The following KRTAP4-8 variants were observed in gnomAD, a reference collection of about 807,000 sequenced individuals.
KRTAP4-8 encodes the protein keratin associated protein 4-8.
For missense variants in KRTAP4-8, 188 were observed against 237.4 expected (o/e 0.79, Z 1.37); for synonymous variants, 66 against 86.6 (o/e 0.76, Z 1.32).
chr17:41,097,086 G>A lies in KRTAP4-8; in HGVS notation c.*441C>T. On this transcript the variant is annotated 3_prime_UTR_variant, in exon 1 of 1. Coordinates refer to ENST00000333822, the MANE Select transcript of KRTAP4-8 (RefSeq NM_031960.3). ...AAACTTGAACAGTGAGAGAAAGAGAGAGCAGGGAGAAAGCGGGAGAGCACG... is the reference window on the plus strand; with the variant it reads ...AAACTTGAACAGTGAGAGAAAGAGAAAGCAGGGAGAAAGCGGGAGAGCACG... 1 of 191,856 alleles carries A rather than the reference G, an allele frequency of 5.2e-6. No individual in the cohort carries two copies. 11.9% of individuals were successfully genotyped at this position (191,856 alleles called of 1,614,324 possible). A position where few individuals can be genotyped will look rare whatever the true frequency, so the allele number is the denominator to read the frequency against.
chr17:41,097,786 C>G lies in KRTAP4-8; in HGVS notation c.299G>C (p.Cys100Ser). 1 of 1,599,552 alleles carries G rather than the reference C, an allele frequency of 6.3e-7. No homozygotes were observed. The highest frequency in any genetic ancestry group is 8.5e-7 in the Non-Finnish European group (1 of 1,172,476). Residue 100 changes from cysteine (C) to serine (S), a missense_variant, in exon 1 of 1, where the codon TGC becomes TCC. Physicochemically the swap from Cys to Ser is moderately radical, Grantham distance 112 (BLOSUM62 -1). Transcript: ENST00000333822. ...GCTGGACACACAGCAGCTGGGGCGG[C>G]AGCAGCTGGAGATGCAGCAGCTAGG... ...CHPSCCISSC[C>S]RPSCCVSSCC...
chr17:41,098,069 A>T lies in KRTAP4-8; in HGVS notation c.16T>A (p.Cys6Ser). Residue 6 changes from cysteine to serine, a missense_variant, in exon 1 of 1, where the codon TGT becomes AGT. Cys to Ser is a moderately radical substitution (Grantham distance 112). Coordinates refer to ENST00000333822, the MANE Select transcript of KRTAP4-8 (RefSeq NM_031960.3). ...CCTTGGTCAGAGCACACGGAGCCAC[A>T]ACAGGAGTTGACCATGGTGTCAGAG... MVNSC[C>S]GSVCSDQGCG... 6.4e-7 allele frequency: 1 copy of T among 1,557,880 alleles called. No individual in the cohort carries two copies. Among genetic ancestry groups the T allele is most frequent in the Non-Finnish European group, 8.7e-7 (1 of 1,154,678 alleles).
rs1282777958 is a variant in KRTAP4-8, at chr17:41,097,152, T to C, written c.*375A>G. ...TACCTTTCCAAAAGAAAAGAATGACTGAAAGGCTGACAGACAAATAGTATG... is the reference window on the plus strand; with the variant it reads ...TACCTTTCCAAAAGAAAAGAATGACCGAAAGGCTGACAGACAAATAGTATG... On this transcript the variant is annotated 3_prime_UTR_variant, in exon 1 of 1. Transcript: ENST00000333822. 1.1e-5 allele frequency: 3 copies of C among 278,332 alleles called. No homozygotes were observed. The highest frequency in any genetic ancestry group is 2.0e-5 in the Non-Finnish European group (3 of 149,444). 17.2% of individuals were successfully genotyped at this position (278,332 alleles called of 1,614,324 possible). A position where few individuals can be genotyped will look rare whatever the true frequency, so the allele number is the denominator to read the frequency against.
chr17:41,097,279 C>G lies in KRTAP4-8; in HGVS notation c.*248G>C. The G allele has an allele frequency of 1.6e-6, 1 of 618,048 alleles. No individual in the cohort carries two copies. Among genetic ancestry groups the G allele is most frequent in the Non-Finnish European group, 2.8e-6 (1 of 359,120 alleles). 38.3% of individuals were successfully genotyped at this position (618,048 alleles called of 1,614,324 possible). ...TTAGAGGATTGGAATAATTTCTTAG[C>G]TAGTGGATTACAAATTAATTCGTAT... On this transcript the variant is annotated 3_prime_UTR_variant, in exon 1 of 1. Transcript: ENST00000333822.
chr17:41,097,343 G>C lies in KRTAP4-8; in HGVS notation c.*184C>G. ...TGGAAGAAAAAGAAAGCAAGGGAGG[G>C]AGTTTAAAATGAACCAGAATGTTCT... On this transcript the variant is annotated 3_prime_UTR_variant, in exon 1 of 1. Transcript: ENST00000333822. The C allele has an allele frequency of 1.1e-6, 1 of 922,040 alleles. No homozygotes were observed. The highest frequency in any genetic ancestry group is 1.6e-6 in the Non-Finnish European group (1 of 627,324). The allele number at this position is 922,040 out of a possible 1,614,324, so 57.1% of individuals were successfully genotyped here.
Position 41,098,081 on chromosome 17 carries a change from C to T in KRTAP4-8, c.4G>A (p.Val2Ile). 1 of 1,539,048 alleles carries T rather than the reference C, an allele frequency of 6.5e-7. No individual in the cohort carries two copies. The highest frequency in any genetic ancestry group is 8.7e-7 in the Non-Finnish European group (1 of 1,144,770). The change falls in exon 1 of 1, where the codon GTC (valine) becomes ATC (isoleucine). Residue 2 changes from valine (V) to isoleucine (I), a missense_variant. Val to Ile is a conservative substitution (Grantham distance 29). Transcript: ENST00000333822. MVNSCCGSVCSD... is the reference protein window; with the variant it reads MINSCCGSVCSD... The stretch of plus-strand genomic sequence containing the variant: ...CACACGGAGCCACAACAGGAGTTGA[C>T]CATGGTGTCAGAGGGTGAAGGATCT...
At position 41,097,059 on chromosome 17, in the gene KRTAP4-8, A is replaced by G. The variant is rs6416911; in HGVS notation, c.*468T>C. ...GAACTAATAAAATAGAAAAATTCTG[A>G]CAAACTTGAACAGTGAGAGAAAGAG... On this transcript the variant is annotated 3_prime_UTR_variant, in exon 1 of 1. Transcript: ENST00000333822. 0.69 allele frequency: 116,441 copies of G among 169,596 alleles called. 41,554 individuals are homozygous for G. The highest frequency in any genetic ancestry group is 0.9 in the African/African-American group (37,815 of 42,016). The allele number at this position is 169,596 out of a possible 1,614,324, so 10.5% of individuals were successfully genotyped here. A position where few individuals can be genotyped will look rare whatever the true frequency, so the allele number is the denominator to read the frequency against.
chr17:41,098,088 G>A lies in KRTAP4-8; in HGVS notation c.-4C>T. 6.3e-7 allele frequency: 1 copy of A among 1,588,892 alleles called. No homozygotes were observed. Among genetic ancestry groups the A allele is most frequent in the Non-Finnish European group, 8.6e-7 (1 of 1,166,368 alleles). On this transcript the variant is annotated 5_prime_UTR_variant, in exon 1 of 1. Coordinates refer to ENST00000333822, the MANE Select transcript of KRTAP4-8 (RefSeq NM_031960.3). ...AGCCACAACAGGAGTTGACCATGGT[G>A]TCAGAGGGTGAAGGATCTATTTGGG...
Position 41,097,491 on chromosome 17 carries a change from CA to C in KRTAP4-8, c.*35del, listed in dbSNP as rs758906768. On this transcript the variant is annotated 3_prime_UTR_variant, in exon 1 of 1. Coordinates refer to ENST00000333822, the MANE Select transcript of KRTAP4-8 (RefSeq NM_031960.3). The stretch of plus-strand genomic sequence containing the variant: ...AGAAGAATGGTCTACATTTGTGGAC[CA>C]GCGGTGAAGGGAGAGATGAGCCAGG... 8 of 1,542,284 alleles carry C rather than the reference CA, an allele frequency of 5.2e-6. No individual in the cohort carries two copies. The highest frequency in any genetic ancestry group is 1.7e-4 in the Middle Eastern group (1 of 5,906).
chr17:41,097,486 T>C lies in KRTAP4-8; in HGVS notation c.*41A>G. The C allele has an allele frequency of 1.9e-6, 3 of 1,539,290 alleles. No homozygotes were observed. Among genetic ancestry groups the C allele is most frequent in the Non-Finnish European group, 2.6e-6 (3 of 1,140,348 alleles). ...AGCACAGAAGAATGGTCTACATTTG[T>C]GGACCAGCGGTGAAGGGAGAGATGA... On this transcript the variant is annotated 3_prime_UTR_variant, in exon 1 of 1. Transcript: ENST00000333822.
rs768161800 is a variant in KRTAP4-8, at chr17:41,097,550, A to T, written c.535T>A (p.Cys179Ser). The T allele has an allele frequency of 9.4e-5, 147 of 1,568,398 alleles. No individual in the cohort carries two copies. The highest frequency in any genetic ancestry group is 1.5e-4 in the Admixed American group (8 of 52,856). The change falls in exon 1 of 1, where the codon TGC becomes AGC. Residue 179 changes from cysteine (C) to serine (S), a missense_variant. Cys to Ser is a moderately radical substitution (Grantham distance 112). Coordinates refer to ENST00000333822, the MANE Select transcript of KRTAP4-8 (RefSeq NM_031960.3). ...CVISTCPRPV[C>S]CASSCC The stretch of plus-strand genomic sequence containing the variant: ...GCTCAGCAGCAAGAGGAGGCGCAGC[A>T]CACGGGGCGGGGGCAGGTGGAGATG...
Position 41,097,205 on chromosome 17 carries a change from T to C in KRTAP4-8, c.*322A>G, listed in dbSNP as rs1293161114. Reference sequence around the variant, plus strand: ...TGAAAGGGAGATAATGTGTACCTAATTGGGAAGGATATTCTGTAGGCTCAA... The same window carrying C: ...TGAAAGGGAGATAATGTGTACCTAACTGGGAAGGATATTCTGTAGGCTCAA... On this transcript the variant is annotated 3_prime_UTR_variant, in exon 1 of 1. Transcript: ENST00000333822. The C allele has an allele frequency of 2.2e-6, 1 of 462,712 alleles. No homozygotes were observed. The highest frequency in any genetic ancestry group is 2.0e-5 in the African/African-American group (1 of 51,008). 28.7% of individuals were successfully genotyped at this position (462,712 alleles called of 1,614,324 possible). A position where few individuals can be genotyped will look rare whatever the true frequency, so the allele number is the denominator to read the frequency against.
At position 41,097,951 on chromosome 17, in the gene KRTAP4-8, C is replaced by A. The variant is rs538021486; in HGVS notation, c.134G>T (p.Ser45Ile). ...CTGGGGTCTGCAGCAGCAGGACACACTGTAGCTGGGGCGGTAGCAGGTGGT... is the reference window on the plus strand; with the variant it reads ...CTGGGGTCTGCAGCAGCAGGACACAATGTAGCTGGGGCGGTAGCAGGTGGT... ...CRTTCYRPSY[S>I]VSCCCRPQCC... Residue 45 changes from serine (S) to isoleucine (I), a missense_variant, in exon 1 of 1, where the codon AGT becomes ATT. By Grantham distance (142) the Ser-to-Ile change is moderately radical. Transcript: ENST00000333822. 5 of 1,613,404 alleles carry A rather than the reference C, an allele frequency of 3.1e-6. No individual in the cohort carries two copies. The highest frequency in any genetic ancestry group is 4.2e-6 in the Non-Finnish European group (5 of 1,179,696).
Position 41,097,311 on chromosome 17 carries a change from C to T in KRTAP4-8, c.*216G>A, listed in dbSNP as rs1177563315. 6 of 709,746 alleles carry T rather than the reference C, an allele frequency of 8.5e-6. No individual in the cohort carries two copies. Among genetic ancestry groups the T allele is most frequent in the Non-Finnish European group, 1.4e-5 (6 of 435,428 alleles). 44.0% of individuals were successfully genotyped at this position (709,746 alleles called of 1,614,324 possible). A position where few individuals can be genotyped will look rare whatever the true frequency, so the allele number is the denominator to read the frequency against. Reference sequence around the variant, plus strand: ...ATTACAAATTAATTCGTATTTGGTGCCATGACTGGAAGAAAAAGAAAGCAA... The same window carrying T: ...ATTACAAATTAATTCGTATTTGGTGTCATGACTGGAAGAAAAAGAAAGCAA... On this transcript the variant is annotated 3_prime_UTR_variant, in exon 1 of 1. Transcript: ENST00000333822.
chr17:41,097,373 G>A lies in KRTAP4-8; in HGVS notation c.*154C>T, dbSNP rs538716168. The A allele has an allele frequency of 2.8e-5, 33 of 1,196,162 alleles. No homozygotes were observed. In the African/African-American group the frequency reaches 4.8e-4, roughly 17 times the overall value. The allele number at this position is 1,196,162 out of a possible 1,614,324, so 74.1% of individuals were successfully genotyped here. A position where few individuals can be genotyped will look rare whatever the true frequency, so the allele number is the denominator to read the frequency against. ...TAAAATGAACCAGAATGTTCTCACA[G>A]AGTCAGCGGGATGGTGATGGGCTCA... On this transcript the variant is annotated 3_prime_UTR_variant, in exon 1 of 1. Transcript: ENST00000333822.
Position 41,097,704 on chromosome 17 carries a change from G to T in KRTAP4-8, c.381C>A (p.Pro127=). The T allele has an allele frequency of 2.9e-6, 2 of 691,230 alleles. 1 individual carries two copies. Among genetic ancestry groups the T allele is most frequent in the Non-Finnish European group, 4.6e-6 (2 of 431,102 alleles). The allele number at this position is 691,230 out of a possible 1,614,324, so 42.8% of individuals were successfully genotyped here. ...SVCCQPNCCR[P]SCSISSCCRP... is the part of the protein sequence containing the mutation. ...GGCAGCAGCTGGAGATGCTGCAGCT[G>T]GGGCGGCAGCAGTTGGGCTGGCAGC... The change falls in exon 1 of 1, where the codon CCC becomes CCA. Residue 127 remains proline, a synonymous_variant. Coordinates refer to ENST00000333822, the MANE Select transcript of KRTAP4-8 (RefSeq NM_031960.3).
Position 41,097,097 on chromosome 17 carries a change from A to C in KRTAP4-8, c.*430T>G. On this transcript the variant is annotated 3_prime_UTR_variant, in exon 1 of 1. Transcript: ENST00000333822. ...GTGAGAGAAAGAGAGAGCAGGGAGA[A>C]AGCGGGAGAGCACGGGAGGGGCAGC... 5.0e-6 allele frequency: 1 copy of C among 198,032 alleles called. No homozygotes were observed. The highest frequency in any genetic ancestry group is 1.0e-5 in the Non-Finnish European group (1 of 97,180). 12.3% of individuals were successfully genotyped at this position (198,032 alleles called of 1,614,324 possible).
chr17:41,097,751 G>T lies in KRTAP4-8; in HGVS notation c.334C>A (p.Pro112Thr), dbSNP rs767160757. 2.6e-6 allele frequency: 4 copies of T among 1,560,728 alleles called. No homozygotes were observed. The South Asian group carries it at 4.5e-5, about 18-fold the overall frequency. The change falls in exon 1 of 1, where the codon CCC becomes ACC. Residue 112 changes from proline (P) to threonine (T), a missense_variant. Transcript: ENST00000333822. ...CAGCACACAGACTGGCAGCACTGGG[G>T]CTTGCAGCAGCTGGACACACAGCAG... ...PSCCVSSCCK[P>T]QCCQSVCCQP...
In KRTAP4-8 at chr17:41,097,949, C is replaced by T. The variant is rs774345074; in HGVS notation, c.136G>A (p.Val46Met). The T allele has an allele frequency of 6.2e-7, 1 of 1,612,416 alleles. No homozygotes were observed. Residue 46 changes from valine to methionine, a missense_variant, in exon 1 of 1, where the codon GTG (valine) becomes ATG (methionine). Physicochemically the swap from Val to Met is conservative, Grantham distance 21. Transcript: ENST00000333822. The part of the protein sequence containing the change: ...RTTCYRPSYS[V>M]SCCCRPQCCQ... ...CACTGGGGTCTGCAGCAGCAGGACA[C>T]ACTGTAGCTGGGGCGGTAGCAGGTG...
Sources: gnomAD v4.1 joint callset for allele counts on GRCh38, gnomAD v4.1.1 for gene constraint, MANE v1.5 for transcripts, NCBI Gene and HGNC (gene_info 2026-07-23, HGNC 2026-07-21) for gene names.